Variants in EVI5 observed in about 807,000 individuals in gnomAD.
EVI5 encodes the protein ecotropic viral integration site 5.
In EVI5, 73 loss-of-function variants were observed where a neutral mutation model predicts 112.0. The ratio of observed to expected loss-of-function variants is 0.65; its 90% CI spans 0.54 to 0.79. The LOEUF is 0.79. Ranked by LOEUF, EVI5 falls within the 30% of genes least tolerant of loss-of-function variation. The pLI is 0.00. For missense variants in EVI5, 900 were observed against 968.8 expected (o/e 0.93, Z 0.94); for synonymous variants, 305 against 319.9 (o/e 0.95, Z 0.50).
At chr1:92,693,670 T>C (rs1461972831) in intron 9 of EVI5, 132 bp downstream of exon 9, 1 of 598,420 alleles carries the variant, frequency 1.7e-6, no homozygotes, top group African/African-American at 1.9e-5. Flanking sequence ...ATTCCAACAT[T>C]AGCTTTATGC....
At chr1:92,534,988 C>G (rs528599400) in intron 19 of EVI5, among the ~76,000 whole-genome samples, 1 of 152,180 alleles carries the variant, frequency 6.6e-6, no homozygotes, top group East Asian at 1.9e-4. Context: ...GAAAAGGCAA[C>G]ATACAGAATG....
intron 9 of EVI5, among the ~76,000 whole-genome samples, chr1:92,680,401 G>A (rs1372465179): frequency 3.9e-5 from 6 of 152,280 alleles, no homozygotes; most frequent in African/African-American, 1.4e-4. Flanking sequence ...TAATTTAATA[G>A]TAATGGATTA....
intron 18 of EVI5, among the ~76,000 whole-genome samples, chr1:92,588,216 A>G (rs920420965): frequency 3.1e-4 from 47 of 152,218 alleles, no homozygotes; most frequent in Admixed American, 9.2e-4. Flanking sequence ...TTAACAGCTT[A>G]AATGTCATCT....
At chr1:92,680,040 A>C (rs913761152) in intron 9 of EVI5, among the ~76,000 whole-genome samples, 3 of 152,104 alleles carry the variant, frequency 2.0e-5, no homozygotes, top group Non-Finnish European at 4.4e-5. Context: ...GATTTGTCTA[A>C]ATTACTGGAA....
chr1:92,568,355 G>A (rs1352967137), intron 18 of EVI5, among the ~76,000 whole-genome samples: 2 of 127,416 alleles, frequency 1.6e-5, no homozygotes, highest in African/African-American at 3.0e-5. Flanking sequence ...CAGCCTGGGA[G>A]ACAGCAAAAA....
At chr1:92,571,391 T>C (rs1181254644) in intron 18 of EVI5, among the ~76,000 whole-genome samples, 2 of 151,916 alleles carry the variant, frequency 1.3e-5, no homozygotes. Context: ...GATTCAACAG[T>C]CTGCCTTAAG....
intron 1 of EVI5, among the ~76,000 whole-genome samples, chr1:92,783,755 T>TA (rs1558258468): frequency 7.3e-6 from 1 of 137,532 alleles, no homozygotes; most frequent in African/African-American, 2.8e-5. Context: ...GAGGTTGCAG[T>TA]GAACCAACGT....
At chr1:92,786,489 C>G (rs994888906), upstream of EVI5, among the ~76,000 whole-genome samples, 1 of 152,094 alleles carries the variant, frequency 6.6e-6, no homozygotes, top group Non-Finnish European at 1.5e-5. Context: ...CTCTTATATT[C>G]CATCCGTCAG....
chr1:92,616,942 A>T (rs1280944611), intron 16 of EVI5, among the ~76,000 whole-genome samples: 1 of 152,200 alleles, frequency 6.6e-6, no homozygotes, highest in Non-Finnish European at 1.5e-5. Flanking sequence ...GCAGGTCCTG[A>T]AGGGACAAGT....
chr1:92,568,450 A>G (rs545065662), intron 18 of EVI5, among the ~76,000 whole-genome samples: 22 of 152,142 alleles, frequency 1.4e-4, no homozygotes, highest in African/African-American at 5.1e-4. Context: ...AATAATAGCT[A>G]TTATATATTG....
rs192915017 is a variant in EVI5, at chr1:92,631,720, G to A, written c.1527+4482C>T. On this transcript the variant is annotated intron_variant, in intron 14 of 19. Coordinates refer to ENST00000684568, the MANE Select transcript of EVI5 (RefSeq NM_001350197.2). The stretch of plus-strand genomic sequence containing the variant: ...TGGCCAGAACTTCCAACACTATGTT[G>A]AATAGCAGTGGTGAGAGAGGGCATC... Among the ~76,000 whole-genome samples, 6 of 152,232 alleles carry A rather than the reference G, an allele frequency of 3.9e-5. No homozygotes were observed. In the East Asian group the frequency reaches 9.6e-4, roughly 24 times the overall value.
chr1:92,695,603 A>C (rs907912792), intron 6 of EVI5, 150 bp from the exon 7 acceptor site: 1 of 438,386 alleles, frequency 2.3e-6, no homozygotes, highest in African/African-American at 2.0e-5. Context: ...CATCTGGGAC[A>C]GTGGCTAGTA....
At chr1:92,628,363 G>A (rs192979895) in intron 14 of EVI5, among the ~76,000 whole-genome samples, 1 of 152,296 alleles carries the variant, frequency 6.6e-6, no homozygotes, top group East Asian at 1.9e-4. Context: ...TGTTCTAATT[G>A]CATTTGATTT....
chr1:92,692,570 TAA>T (rs923757763), intron 9 of EVI5, among the ~76,000 whole-genome samples: 34 of 152,186 alleles, frequency 2.2e-4, no homozygotes, highest in Admixed American at 2.6e-4. Context: ...TTAATTTTTT[TAA>T]AAGAGATAAG....
At chr1:92,704,198 T>C (rs988896022) in intron 3 of EVI5, among the ~76,000 whole-genome samples, 4 of 151,966 alleles carry the variant, frequency 2.6e-5, no homozygotes, top group African/African-American at 4.8e-5. Context: ...CCTGTAATCA[T>C]AGCTACTCAG....
At chr1:92,673,185 C>CTTTTTTT (rs35702596) in intron 10 of EVI5, among the ~76,000 whole-genome samples, 61 of 123,416 alleles carry the variant, frequency 4.9e-4, no homozygotes, top group African/African-American at 1.1e-3. Context: ...TAACACTTCT[C>CTTTTTTT]TTTTTTTTTT....
At chr1:92,529,055 T>C (rs1662408164) in intron 19 of EVI5, among the ~76,000 whole-genome samples, 2 of 152,228 alleles carry the variant, frequency 1.3e-5, no homozygotes, top group Admixed American at 6.5e-5. Context: ...TCTAACCAGA[T>C]GACCAGTAAG....
chr1:92,734,200 A>G (rs1676967557), intron 2 of EVI5, among the ~76,000 whole-genome samples: 1 of 152,096 alleles, frequency 6.6e-6, no homozygotes, highest in Non-Finnish European at 1.5e-5. Flanking sequence ...TGAGAGAATG[A>G]TTTTCTTGGT....
chr1:92,677,474 C>A (rs1666939178), intron 9 of EVI5, among the ~76,000 whole-genome samples: 1 of 152,054 alleles, frequency 6.6e-6, no homozygotes, highest in African/African-American at 2.4e-5. Flanking sequence ...GCACAAAATG[C>A]AACTTAGTTT....
Sources: gnomAD v4.1 joint callset for allele counts (sites outside exome capture counted in the v4.1 genomes callset) on GRCh38, gnomAD v4.1.1 for gene constraint, MANE v1.5 for transcripts, NCBI Gene and HGNC (gene_info 2026-07-23, HGNC 2026-07-21) for gene names.